ABHD3: variants seen among roughly 807,000 people sequenced by gnomAD.
ABHD3 encodes the protein phospholipase ABHD3.
A neutral mutation model predicts 48.8 loss-of-function variants in ABHD3; 46 were observed. The ratio of observed to expected loss-of-function variants is 0.94; its 90% CI spans 0.74 to 1.20. The LOEUF (loss-of-function observed/expected upper bound fraction) is 1.20. Among genes scored for constraint, ABHD3 ranks in the 50% most tolerant of loss-of-function variants. The pLI is 0.00. For missense variants in ABHD3, 490 were observed against 497.8 expected (o/e 0.98, Z 0.15); for synonymous variants, 192 against 183.7 (o/e 1.04, Z -0.36).
intron 3 of ABHD3, among the ~76,000 whole-genome samples, chr18:21,695,136 G>A (rs941982396): frequency 2.0e-5 from 3 of 152,058 alleles, no homozygotes; most frequent in Non-Finnish European, 2.9e-5. Flanking sequence ...GGGTTCAAGC[G>A]ATTCTCCTGC....
intron 3 of ABHD3, chr18:21,701,140 T>C (rs975078180): frequency 6.6e-6 from 1 of 152,086 alleles, no homozygotes; most frequent in Admixed American, 6.6e-5. Flanking sequence ...AGATCAGAAT[T>C]AACTTGTTAA....
At chr18:21,653,373 T>C (rs1299198002) in intron 8 of ABHD3, among the ~76,000 whole-genome samples, 1 of 151,268 alleles carries the variant, frequency 6.6e-6, no homozygotes, top group East Asian at 2.0e-4. Flanking sequence ...GGTCTAGAAC[T>C]CCTGACCTCA....
chr18:21,656,759 A>G, intron 8 of ABHD3, 102 bp downstream of exon 8: 2 of 1,158,022 alleles, frequency 1.7e-6, no homozygotes, highest in Non-Finnish European at 1.2e-6. Context: ...TTTTTTTATC[A>G]TAATGGAAAT....
chr18:21,668,227 A>AAG (rs2039682154), intron 4 of ABHD3, among the ~76,000 whole-genome samples: 1 of 150,002 alleles, frequency 6.7e-6, no homozygotes, highest in Admixed American at 6.7e-5. Context: ...AAAAGAAAGA[A>AAG]AAAGAAAAGA....
rs528974282 is a variant in ABHD3, at chr18:21,697,747, C to A, written c.509+4569G>T. On this transcript the variant is annotated intron_variant, in intron 3 of 8. Coordinates refer to ENST00000289119, the MANE Select transcript of ABHD3 (RefSeq NM_138340.5). ...CACAATTATCTTAAACAAACTTAAG[C>A]CTAGTTTCCATCCCATCCATCCTGA... is the stretch of plus-strand genomic sequence containing the variant. Among the ~76,000 whole-genome samples the A allele has an allele frequency of 2.0e-5, 3 of 152,280 alleles. No individual in the cohort carries two copies. In the South Asian group the frequency reaches 6.2e-4, roughly 32 times the overall value.
At chr18:21,663,977 A>G in intron 5 of ABHD3, 141 bp downstream of exon 5, 1 of 1,431,910 alleles carries the variant, frequency 7.0e-7, no homozygotes, top group Non-Finnish European at 9.1e-7. Flanking sequence ...CATTCAATCA[A>G]CCGCATTTAA....
At chr18:21,697,650 G>T (rs2040404057) in intron 3 of ABHD3, among the ~76,000 whole-genome samples, 2 of 152,150 alleles carry the variant, frequency 1.3e-5, no homozygotes, top group South Asian at 4.1e-4. Context: ...CAAGGTGCTG[G>T]GATAAGAGGC....
chr18:21,666,610 G>A (rs931839515), intron 4 of ABHD3, among the ~76,000 whole-genome samples: 6 of 152,198 alleles, frequency 3.9e-5, no homozygotes, highest in Non-Finnish European at 8.8e-5. Flanking sequence ...GATTACAGGC[G>A]TGAGCCACTG....
intron 4 of ABHD3, among the ~76,000 whole-genome samples, chr18:21,675,277 T>TA (rs1356469059): frequency 1.4e-5 from 2 of 145,924 alleles, no homozygotes; most frequent in East Asian, 4.0e-4. Context: ...TTTTTTTTTT[T>TA]TTTTTTTTTG....
intron 3 of ABHD3, among the ~76,000 whole-genome samples, chr18:21,698,480 C>T (rs1406760053): frequency 3.3e-5 from 5 of 151,934 alleles, no homozygotes; most frequent in African/African-American, 1.2e-4. Context: ...AGCCACCACA[C>T]CCGGCCTATA....
At chr18:21,691,080 G>GAA (rs2146327694) in intron 3 of ABHD3, among the ~76,000 whole-genome samples, 1 of 150,060 alleles carries the variant, frequency 6.7e-6, no homozygotes, top group South Asian at 2.1e-4. Context: ...TAGATACTCT[G>GAA]AAAGTTAAAG....
At chr18:21,660,303 C>T (rs1358389495) in intron 5 of ABHD3, among the ~76,000 whole-genome samples, 1 of 151,788 alleles carries the variant, frequency 6.6e-6, no homozygotes, top group Non-Finnish European at 1.5e-5. Flanking sequence ...GCCAAGGATC[C>T]TTGCACCCTG....
chr18:21,675,262 G>GTT (rs61119109), intron 4 of ABHD3, among the ~76,000 whole-genome samples: 1,326 of 85,360 alleles, frequency 0.016, 2 homozygotes, highest in Non-Finnish European at 0.02. Context: ...AATGAGGTGG[G>GTT]TTTTTTTTTT....
intron 4 of ABHD3, among the ~76,000 whole-genome samples, chr18:21,681,124 C>T (rs1264433503): frequency 6.6e-6 from 1 of 152,080 alleles, no homozygotes; most frequent in Non-Finnish European, 1.5e-5. Flanking sequence ...TCTACCTGCA[C>T]ACTGATAATC....
chr18:21,690,463 G>T (rs887304103), intron 3 of ABHD3, among the ~76,000 whole-genome samples: 2 of 151,622 alleles, frequency 1.3e-5, no homozygotes, highest in African/African-American at 4.8e-5. Context: ...TTAGCCAGGC[G>T]TGGTGGCAGG....
intron 4 of ABHD3, among the ~76,000 whole-genome samples, chr18:21,670,278 C>A (rs529091392): frequency 1.2e-3 from 177 of 152,182 alleles, no homozygotes; most frequent in African/African-American, 3.9e-3. Context: ...ATGGTAAGTG[C>A]CAAGGGGGTA....
intron 3 of ABHD3, among the ~76,000 whole-genome samples, chr18:21,692,896 G>GT (rs2040284767): frequency 6.6e-6 from 1 of 152,188 alleles, no homozygotes. Context: ...GTGCTTGTAA[G>GT]TAACAGTTGT....
intron 3 of ABHD3, among the ~76,000 whole-genome samples, chr18:21,699,695 T>A (rs2040463541): frequency 6.6e-6 from 1 of 152,226 alleles, no homozygotes; most frequent in African/African-American, 2.4e-5. Context: ...TGTGTGTGTC[T>A]GTGAGATAGA....
chr18:21,687,463 G>A (rs2040153319), intron 3 of ABHD3, among the ~76,000 whole-genome samples: 1 of 152,062 alleles, frequency 6.6e-6, no homozygotes, highest in Non-Finnish European at 1.5e-5. Flanking sequence ...CACCTGCCTT[G>A]GCCTCCTAAA....
Sources: gnomAD v4.1 joint callset for allele counts (sites outside exome capture counted in the v4.1 genomes callset) on GRCh38, gnomAD v4.1.1 for gene constraint, MANE v1.5 for transcripts, NCBI Gene and HGNC (gene_info 2026-07-23, HGNC 2026-07-21) for gene names.